RAD54L2: variants seen among roughly 807,000 people sequenced by gnomAD.
RAD54L2 encodes helicase ARIP4.
A neutral mutation model predicts 138.4 loss-of-function variants in RAD54L2; 27 were observed. The ratio of observed to expected loss-of-function variants is 0.20; its 90% confidence interval spans 0.14 to 0.27. The LOEUF (loss-of-function observed/expected upper bound fraction) is 0.27, where lower values mean the gene tolerates loss of function less well. Ranked by LOEUF, RAD54L2 falls within the 10% of genes least tolerant of loss-of-function variation. The pLI, the probability that RAD54L2 is intolerant of heterozygous loss-of-function variation, is 1.00. For synonymous variants in RAD54L2, 644 were observed against 723.2 expected (o/e 0.89, Z 1.76); for missense variants, 1,396 against 1,890.2 (o/e 0.74, Z 4.85).
At chr3:51,579,553 A>G (rs770960405) in intron 2 of RAD54L2, among the ~76,000 whole-genome samples, 2 of 152,180 alleles carry the variant, frequency 1.3e-5, no homozygotes, top group Non-Finnish European at 1.5e-5. Context: ...CAGTATCTGA[A>G]ACAAATTTGG....
At chr3:51,631,563 T>G (rs561061355) in intron 7 of RAD54L2, among the ~76,000 whole-genome samples, 4 of 151,392 alleles carry the variant, frequency 2.6e-5, no homozygotes, top group South Asian at 2.1e-4. Flanking sequence ...AAGCTGATCT[T>G]GAACTCCTGA....
chr3:51,650,787 A>T (rs1182149593), intron 19 of RAD54L2, among the ~76,000 whole-genome samples: 1 of 152,192 alleles, frequency 6.6e-6, no homozygotes, highest in East Asian at 1.9e-4. Context: ...ATTTAAAGTA[A>T]TGTGTAGAGG....
chr3:51,575,061 A>G (rs925790516), intron 2 of RAD54L2, among the ~76,000 whole-genome samples: 1 of 152,216 alleles, frequency 6.6e-6, no homozygotes, highest in Non-Finnish European at 1.5e-5. Context: ...AGCTTTCTAC[A>G]TATGGCTAGC....
intron 3 of RAD54L2, among the ~76,000 whole-genome samples, chr3:51,601,310 CTTT>C (rs779030766): frequency 8.1e-6 from 1 of 123,068 alleles, no homozygotes; most frequent in Non-Finnish European, 1.7e-5. Flanking sequence ...CTGCGCCCGG[CTTT>C]TTTTTTTTTT....
intron 7 of RAD54L2, among the ~76,000 whole-genome samples, chr3:51,631,780 C>T (rs1577441660): frequency 1.3e-5 from 2 of 152,242 alleles, no homozygotes; most frequent in African/African-American, 2.4e-5. Context: ...ACTACAGCCT[C>T]ATGCCACCAT....
rs1024316287 is a variant in RAD54L2, at chr3:51,662,659, G to A, written c.3643G>A (p.Val1215Ile). Residue 1215 changes from valine to isoleucine, a missense_variant, in exon 23 of 23, where the codon GTT becomes ATT. By Grantham distance (29) the Val-to-Ile change is conservative. Transcript: ENST00000684192. The surrounding 1 kb of genome is among the most constrained non-coding windows in gnomAD (Gnocchi z 4.6). ...GGCCCAACTTATGGACAGCAGTGCTGTTCCCGGGACAGCTCTCGGAACTGA... is the reference window on the plus strand; with the variant it reads ...GGCCCAACTTATGGACAGCAGTGCTATTCCCGGGACAGCTCTCGGAACTGA... ...PPAQLMDSSA[V>I]PGTALGTEPR... The A allele has an allele frequency of 6.2e-7, 1 of 1,613,552 alleles. No individual in the cohort carries two copies. Among genetic ancestry groups the A allele is most frequent in the Non-Finnish European group, 8.5e-7 (1 of 1,179,730 alleles).
In RAD54L2 at chr3:51,667,252, A is replaced by C; in HGVS notation, c.*3832A>C. 6.9e-6 allele frequency: 1 copy of C among 145,624 alleles called. No individual in the cohort carries two copies. 9.0% of individuals were successfully genotyped at this position (145,624 alleles called of 1,614,324 possible). ...GTGATCTTGGCTCCGTGCAACCTCC[A>C]CTCCCGGTTTCAAGCGATCCTCCTG... On this transcript the variant is annotated 3_prime_UTR_variant, in exon 23 of 23. Coordinates refer to ENST00000684192, the MANE Select transcript of RAD54L2 (RefSeq NM_015106.4).
At position 51,639,876 on chromosome 3, in the gene RAD54L2, T is replaced by G; in HGVS notation, c.2113-5T>G. ...GCTCTAAGCTGCCTTGTTTCTCTCT[T>G]GCAGGCCAAGGACCTTCTGACTAAT... On this transcript the variant is annotated splice_region_variant and splice_polypyrimidine_tract_variant and intron_variant, in intron 13 of 22. Coordinates refer to ENST00000684192, the MANE Select transcript of RAD54L2 (RefSeq NM_015106.4). 6.3e-7 allele frequency: 1 copy of G among 1,588,196 alleles called. No homozygotes were observed. The highest frequency in any genetic ancestry group is 1.1e-5 in the South Asian group (1 of 88,894).
chr3:51,564,264 A>T (rs183219554), intron 2 of RAD54L2, among the ~76,000 whole-genome samples: 4 of 152,304 alleles, frequency 2.6e-5, no homozygotes, highest in Admixed American at 2.6e-4. Flanking sequence ...CACAGAATAC[A>T]TTAGATTTGG....
rs761858406 is a variant in RAD54L2 at position 51,663,161 on chromosome 3, A to G, written c.4145A>G (p.Tyr1382Cys). 1.7e-5 allele frequency: 28 copies of G among 1,613,586 alleles called. No individual in the cohort carries two copies. Among genetic ancestry groups the G allele is most frequent in the Non-Finnish European group, 2.1e-5 (25 of 1,179,822 alleles). ...TCTGTGCCAGGGATACTACCCAGCTATTCACTCCCATTCTCACAGCCACTC... is the reference window on the plus strand; with the variant it reads ...TCTGTGCCAGGGATACTACCCAGCTGTTCACTCCCATTCTCACAGCCACTC... ...NPSVPGILPS[Y>C]SLPFSQPLLS... Residue 1382 changes from tyrosine (Y) to cysteine (C), a missense_variant, in exon 23 of 23, where the codon TAT becomes TGT. Physicochemically the swap from Tyr to Cys is radical, Grantham distance 194. Around this residue, in one of 7 missense-constraint regions of RAD54L2, gnomAD observed 634 missense variants for 711.2 expected, o/e 0.89. Transcript: ENST00000684192.
chr3:51,649,086 AAAC>A (rs1474470389), intron 19 of RAD54L2, among the ~76,000 whole-genome samples: 4 of 152,066 alleles, frequency 2.6e-5, no homozygotes, highest in African/African-American at 4.8e-5. Flanking sequence ...TAACTAGAAT[AAAC>A]AGTGTAGAGA....
chr3:51,602,672 A>G (rs897732339), intron 3 of RAD54L2, among the ~76,000 whole-genome samples: 2 of 152,188 alleles, frequency 1.3e-5, no homozygotes, highest in Admixed American at 1.3e-4. Context: ...GGAAAGAGAT[A>G]CATTCATCCA....
At chr3:51,643,809 C>A in intron 15 of RAD54L2, 66 bp from the exon 16 acceptor site, 1 of 1,210,686 alleles carries the variant, frequency 8.3e-7, no homozygotes, top group Non-Finnish European at 1.2e-6. Flanking sequence ...ACATATTTGC[C>A]CAGTGATTTT....
rs1224427927 is a variant in RAD54L2, at chr3:51,609,940, C to T, written c.140-17613C>T. 2.7e-5 allele frequency among the ~76,000 whole-genome samples: 4 copies of T among 149,722 alleles called. No homozygotes were observed. The Admixed American group carries it at 2.7e-4, about 10-fold the overall frequency. On this transcript the variant is annotated intron_variant, in intron 3 of 22. Transcript: ENST00000684192. ...TTATGGAAAGATTTGTATACTATTCCATACCTCTGTTACCATTTAAAATGG... is the reference window on the plus strand; with the variant it reads ...TTATGGAAAGATTTGTATACTATTCTATACCTCTGTTACCATTTAAAATGG...
At chr3:51,612,654 G>A (rs1299531265) in intron 3 of RAD54L2, among the ~76,000 whole-genome samples, 2 of 150,206 alleles carry the variant, frequency 1.3e-5, no homozygotes, top group African/African-American at 2.5e-5. Context: ...CTAGTCTGTG[G>A]CTTATGTTTT....
intron 22 of RAD54L2, among the ~76,000 whole-genome samples, chr3:51,660,458 G>A (rs547960612): frequency 7.3e-5 from 11 of 151,508 alleles, no homozygotes; most frequent in African/African-American, 1.9e-4. Context: ...ACAGGCGCCC[G>A]CCACCACACC....
At chr3:51,572,560 G>C (rs1282398737) in intron 2 of RAD54L2, among the ~76,000 whole-genome samples, 1 of 151,416 alleles carries the variant, frequency 6.6e-6, no homozygotes, top group Non-Finnish European at 1.5e-5. Context: ...AGAGGTTGCA[G>C]TGAGCTATGA....
chr3:51,637,097 C>T lies in RAD54L2; in HGVS notation c.1340-64C>T, dbSNP rs755187439. On this transcript the variant is annotated intron_variant, in intron 10 of 22. Transcript: ENST00000684192. This position sits in a 1 kb window ranked among gnomAD's most constrained non-coding sequence, Gnocchi z 5.9. ...TCTCCTCCAGGGTGCACCCCTACTT[C>T]TCATATTATTGACTAAGAGCAGGCC... is the stretch of plus-strand genomic sequence containing the variant. 7.9e-6 allele frequency: 11 copies of T among 1,391,374 alleles called. No homozygotes were observed. In the South Asian group the frequency reaches 1.4e-4, roughly 17 times the overall value. The allele number at this position is 1,391,374 out of a possible 1,614,324, so 86.2% of individuals were successfully genotyped here.
chr3:51,559,496 T>C (rs1699051471), intron 2 of RAD54L2, among the ~76,000 whole-genome samples: 1 of 152,346 alleles, frequency 6.6e-6, no homozygotes, highest in East Asian at 1.9e-4. Context: ...ACTGCCTCAC[T>C]TGATTCCACT....
Sources: allele counts gnomAD v4.1 joint callset (sites outside exome capture counted in the v4.1 genomes callset), GRCh38; gene constraint gnomAD v4.1.1; regional missense constraint gnomAD v4.1.1; non-coding constraint Gnocchi (gnomAD v3.1); transcripts MANE v1.5; gene names NCBI Gene and HGNC (gene_info 2026-07-23, HGNC 2026-07-21).